Variants in C8orf34 observed in about 807,000 individuals in gnomAD.
The protein encoded by C8orf34 is chromosome 8 open reading frame 34.
A neutral mutation model predicts 68.3 loss-of-function variants in C8orf34; 65 were observed. That is an observed-to-expected ratio of 0.95 (90% CI 0.78 to 1.17). C8orf34 has a LOEUF of 1.17. Among genes scored for constraint, C8orf34 ranks in the 50% most tolerant of loss-of-function variants. The probability of loss-of-function intolerance (pLI) is 0.00; values close to 1 mark genes in which losing one functional copy is unlikely to be tolerated. For synonymous variants in C8orf34, 244 were observed against 241.2 expected, an observed-to-expected ratio of 1.01 and a Z score of -0.11; for missense variants, 664 against 655.4, an observed-to-expected ratio of 1.01 and a Z score of -0.14.
rs1309380343 is a variant in C8orf34 at position 68,815,913 on chromosome 8, C to T, written c.1577C>T (p.Pro526Leu). 6.2e-7 allele frequency: 1 copy of T among 1,613,766 alleles called. No homozygotes were observed. The highest frequency in any genetic ancestry group is 1.7e-5 in the Admixed American group (1 of 59,990). ...KRSADLLLCV[P>L]CSSCPTLVYS... is the part of the protein sequence containing the mutation. Reference sequence around the variant, plus strand: ...TCCGCTGATCTTCTTCTTTGCGTTCCATGCTCTTCTTGTCCTACGCTGGTC... The same window carrying T: ...TCCGCTGATCTTCTTCTTTGCGTTCTATGCTCTTCTTGTCCTACGCTGGTC... The change falls in exon 13 of 14, where the codon CCA (proline) becomes CTA (leucine). Residue 526 changes from proline to leucine, a missense_variant. By Grantham distance (98) the Pro-to-Leu change is moderately conservative. Transcript: ENST00000518698.
At chr8:68,475,949 C>T (rs1300415592) in intron 4 of C8orf34, among the ~76,000 whole-genome samples, 1 of 152,136 alleles carries the variant, frequency 6.6e-6, no homozygotes, top group African/African-American at 2.4e-5. Flanking sequence ...GCTGGGGGAA[C>T]AGAGGACAGA....
intron 3 of C8orf34, among the ~76,000 whole-genome samples, chr8:68,460,376 A>G (rs1017206787): frequency 4.6e-5 from 7 of 152,212 alleles, no homozygotes; most frequent in Non-Finnish European, 1.0e-4. Flanking sequence ...ACAGACAAAC[A>G]AAAAGACAGC....
chr8:68,688,785 G>A (rs949142590), intron 8 of C8orf34, among the ~76,000 whole-genome samples: 2 of 152,022 alleles, frequency 1.3e-5, no homozygotes, highest in Admixed American at 1.3e-4. Flanking sequence ...GCTGAACAAC[G>A]AGAACGTGGA....
chr8:68,783,931 TTAGA>T (rs1357970528), intron 11 of C8orf34, among the ~76,000 whole-genome samples: 1 of 152,168 alleles, frequency 6.6e-6, no homozygotes, highest in African/African-American at 2.4e-5. Context: ...TACAGAATTA[TTAGA>T]TAGATAATAC....
chr8:68,409,209 G>A (rs1396939763), intron 1 of C8orf34, among the ~76,000 whole-genome samples: 2 of 152,180 alleles, frequency 1.3e-5, no homozygotes, highest in Non-Finnish European at 2.9e-5. Context: ...AATTATTTTA[G>A]AGTGTACTTT....
At chr8:68,459,957 G>T (rs1811724714) in intron 3 of C8orf34, among the ~76,000 whole-genome samples, 1 of 152,158 alleles carries the variant, frequency 6.6e-6, no homozygotes, top group Non-Finnish European at 1.5e-5. Context: ...TGGGTGCAGT[G>T]CACTATGCGC....
At chr8:68,777,599 G>C (rs1823557688) in intron 11 of C8orf34, among the ~76,000 whole-genome samples, 1 of 152,120 alleles carries the variant, frequency 6.6e-6, no homozygotes, top group African/African-American at 2.4e-5. Flanking sequence ...AAATCTTGGG[G>C]CTCAGCCCAG....
intron 8 of C8orf34, among the ~76,000 whole-genome samples, chr8:68,681,494 T>C (rs1483678407): frequency 3.9e-5 from 6 of 152,080 alleles, no homozygotes; most frequent in Admixed American, 3.9e-4. Context: ...ATGACTTTTA[T>C]CCCAAAGATA....
At chr8:68,539,883 C>A (rs1815636537) in intron 7 of C8orf34, among the ~76,000 whole-genome samples, 1 of 151,710 alleles carries the variant, frequency 6.6e-6, no homozygotes, top group African/African-American at 2.4e-5. Flanking sequence ...AAGTTTAATA[C>A]TAAATACATG....
chr8:68,625,489 T>C, intron 7 of C8orf34: 1 of 586,930 alleles, frequency 1.7e-6, no homozygotes, highest in Non-Finnish European at 3.1e-6. Flanking sequence ...AAAATGGTCT[T>C]GTAAAATTCC....
intron 7 of C8orf34, among the ~76,000 whole-genome samples, chr8:68,601,126 G>A (rs914926589): frequency 1.3e-5 from 2 of 151,986 alleles, no homozygotes; most frequent in African/African-American, 2.4e-5. Context: ...CATTTGAATT[G>A]GTGTTTCCCT....
At chr8:68,357,956 C>T (rs1362532460) in intron 1 of C8orf34, among the ~76,000 whole-genome samples, 1 of 152,162 alleles carries the variant, frequency 6.6e-6, no homozygotes, top group Non-Finnish European at 1.5e-5. Flanking sequence ...TTATCATGGG[C>T]ATTTATACCC....
chr8:68,582,866 G>A (rs533584944), intron 7 of C8orf34, among the ~76,000 whole-genome samples: 1 of 152,202 alleles, frequency 6.6e-6, no homozygotes, highest in South Asian at 2.1e-4. Context: ...ACAAGGAAAG[G>A]CTGTGAGGAG....
At chr8:68,409,788 C>G (rs929000314) in intron 1 of C8orf34, among the ~76,000 whole-genome samples, 12 of 152,168 alleles carry the variant, frequency 7.9e-5, no homozygotes, top group African/African-American at 1.7e-4. Flanking sequence ...AGTCCTGCAG[C>G]CTCCATTCAT....
intron 1 of C8orf34, among the ~76,000 whole-genome samples, chr8:68,434,464 C>T (rs767856139): frequency 3.2e-4 from 49 of 152,174 alleles, no homozygotes; most frequent in Non-Finnish European, 6.5e-4. Flanking sequence ...GTACATGTCA[C>T]TGCAAAGGAC....
intron 10 of C8orf34, among the ~76,000 whole-genome samples, chr8:68,757,552 C>T (rs1057113388): frequency 1.3e-5 from 2 of 151,920 alleles, no homozygotes; most frequent in Non-Finnish European, 2.9e-5. Context: ...ACCGGGGAGG[C>T]GGAAGCTGCA....
intron 10 of C8orf34, among the ~76,000 whole-genome samples, chr8:68,772,868 T>TTTCCTTCCTTCC (rs370121635): frequency 6.7e-6 from 1 of 150,272 alleles, no homozygotes; most frequent in Non-Finnish European, 1.5e-5. Flanking sequence ...TCCTTCCTTC[T>TTTCCTTCCTTCC]TTCCTTCCTT....
intron 8 of C8orf34, 124 bp downstream of exon 8, chr8:68,640,635 C>A (rs1011282731): frequency 2.1e-6 from 2 of 970,048 alleles, no homozygotes; most frequent in Non-Finnish European, 3.0e-6. Flanking sequence ...ATCTTTTGTG[C>A]TAATATTGGC....
At chr8:68,485,720 AT>A (rs1227734047) in intron 4 of C8orf34, among the ~76,000 whole-genome samples, 1 of 84,926 alleles carries the variant, frequency 1.2e-5, no homozygotes, top group East Asian at 1.0e-3. Flanking sequence ...TCAAAAAAAA[AT>A]AAAAAATAAA....
Sources: allele counts gnomAD v4.1 joint callset (sites outside exome capture counted in the v4.1 genomes callset), GRCh38; gene constraint gnomAD v4.1.1; transcripts MANE v1.5; gene names NCBI Gene and HGNC (gene_info 2026-07-23, HGNC 2026-07-21).